The following TTC39B variants were observed in gnomAD, a reference collection of about 807,000 sequenced individuals.
TTC39B encodes the protein tetratricopeptide repeat domain 39B.
A neutral mutation model predicts 96.6 loss-of-function variants in TTC39B; 92 were observed. That is an observed-to-expected ratio of 0.95 (90% CI 0.80 to 1.13). The LOEUF (loss-of-function observed/expected upper bound fraction) is 1.13, where lower values mean the gene tolerates loss of function less well. Ranked by LOEUF, TTC39B falls within the 50% of genes most tolerant of loss-of-function variation. The pLI, the probability that TTC39B is intolerant of heterozygous loss-of-function variation, is 0.00. For synonymous variants in TTC39B, 367 were observed against 299.4 expected, an observed-to-expected ratio of 1.23 and a Z score of -2.33; for missense variants, 955 against 809.3, an observed-to-expected ratio of 1.18 and a Z score of -2.18.
chr9:15,171,823 T>A (rs904806433), exon 20 of TTC39B: 4 of 358,354 alleles, frequency 1.1e-5, no homozygotes, highest in Non-Finnish European at 1.5e-5. Flanking sequence ...ATTTTCTAGA[T>A]AATATAGAAT....
chr9:15,222,724 CA>C (rs775392988), intron 3 of TTC39B, among the ~76,000 whole-genome samples: 1 of 152,182 alleles, frequency 6.6e-6, no homozygotes, highest in Non-Finnish European at 1.5e-5. Context: ...AAGTGAACTA[CA>C]AAGAAGTCTA....
At chr9:15,278,505 T>C (rs1823634753) in intron 1 of TTC39B, among the ~76,000 whole-genome samples, 1 of 152,238 alleles carries the variant, frequency 6.6e-6, no homozygotes, top group African/African-American at 2.4e-5. Context: ...CAAGCATATC[T>C]ATCCTCTAGT....
At chr9:15,184,819 A>G (rs559664278) in intron 16 of TTC39B, among the ~76,000 whole-genome samples, 1 of 152,368 alleles carries the variant, frequency 6.6e-6, no homozygotes, top group East Asian at 1.9e-4. Context: ...TATTAATTAC[A>G]TGTTGAAATG....
chr9:15,288,588 A>G (rs1356750210), intron 1 of TTC39B, among the ~76,000 whole-genome samples: 6 of 152,284 alleles, frequency 3.9e-5, no homozygotes, highest in South Asian at 2.1e-4. Flanking sequence ...CCACCATTCA[A>G]TAAAGCCCCC....
At chr9:15,290,356 T>C (rs1824138990) in intron 1 of TTC39B, among the ~76,000 whole-genome samples, 1 of 152,214 alleles carries the variant, frequency 6.6e-6, no homozygotes, top group African/African-American at 2.4e-5. Flanking sequence ...TCCTCCCTTC[T>C]GTTCCTAAAC....
At chr9:15,233,920 T>C (rs1481541065) in intron 2 of TTC39B, among the ~76,000 whole-genome samples, 2 of 151,518 alleles carry the variant, frequency 1.3e-5, no homozygotes, top group Non-Finnish European at 2.9e-5. Flanking sequence ...GGAGCGCCTC[T>C]TCCCCGCCGC....
chr9:15,183,053 T>C (rs1461050454), intron 16 of TTC39B, among the ~76,000 whole-genome samples: 2 of 152,188 alleles, frequency 1.3e-5, no homozygotes, highest in Non-Finnish European at 2.9e-5. Flanking sequence ...TGCTTGAAAA[T>C]ATTTTTCTAA....
chr9:15,286,660 G>T (rs1823985067), intron 1 of TTC39B, among the ~76,000 whole-genome samples: 2 of 152,206 alleles, frequency 1.3e-5, no homozygotes, highest in Admixed American at 1.3e-4. Context: ...AGCACCTAGG[G>T]TGGTACTGCC....
intron 1 of TTC39B, among the ~76,000 whole-genome samples, chr9:15,285,264 G>A (rs1246719276): frequency 7.0e-6 from 1 of 142,720 alleles, no homozygotes; most frequent in Non-Finnish European, 1.6e-5. Flanking sequence ...GCAAGACTCC[G>A]TCTCAAAAAG....
chr9:15,269,824 C>T (rs187936120), intron 1 of TTC39B, among the ~76,000 whole-genome samples: 14 of 150,520 alleles, frequency 9.3e-5, no homozygotes, highest in African/African-American at 2.9e-4. Flanking sequence ...CATTGCACTC[C>T]ATCCTGTGTG....
In TTC39B at chr9:15,190,543, C is replaced by A. The variant is rs771084513; in HGVS notation, c.1105+11G>T. ...TCAATGTTCAATGAAACAATCTAATCCAGATCTTACCAAGTATTAGGGAGA... is the reference window on the plus strand; with the variant it reads ...TCAATGTTCAATGAAACAATCTAATACAGATCTTACCAAGTATTAGGGAGA... On this transcript the variant is annotated intron_variant, in intron 11 of 19. Transcript: ENST00000512701. 4 of 1,604,766 alleles carry A rather than the reference C, an allele frequency of 2.5e-6. No individual in the cohort carries two copies. In the South Asian group the frequency reaches 4.4e-5, roughly 18 times the overall value.
At chr9:15,265,447 A>C (rs1487895086) in intron 2 of TTC39B, among the ~76,000 whole-genome samples, 2 of 152,210 alleles carry the variant, frequency 1.3e-5, no homozygotes, top group African/African-American at 4.8e-5. Context: ...TCCAATCACC[A>C]GCCCCAAGGC....
In TTC39B at chr9:15,179,480, C is replaced by G. The variant is rs558226570; in HGVS notation, c.1724-1666G>C. On this transcript the variant is annotated intron_variant, in intron 17 of 19. Transcript: ENST00000512701. Reference sequence around the variant, plus strand: ...AAACTGAATATTCACCTCTAACTTTCAAGCTCTGATAGGTCATTCACCCAG... The same window carrying G: ...AAACTGAATATTCACCTCTAACTTTGAAGCTCTGATAGGTCATTCACCCAG... Among the ~76,000 whole-genome samples the G allele has an allele frequency of 3.3e-5, 5 of 152,298 alleles. No homozygotes were observed. In the South Asian group the frequency reaches 1.0e-3, roughly 32 times the overall value.
At chr9:15,285,625 C>A (rs1428173286) in intron 1 of TTC39B, among the ~76,000 whole-genome samples, 1 of 152,136 alleles carries the variant, frequency 6.6e-6, no homozygotes, top group Non-Finnish European at 1.5e-5. Flanking sequence ...GAGGCCGAGG[C>A]GGGCGGATCA....
intron 2 of TTC39B, among the ~76,000 whole-genome samples, chr9:15,230,796 C>T (rs1274317288): frequency 6.6e-6 from 1 of 152,042 alleles, no homozygotes; most frequent in East Asian, 1.9e-4. Context: ...ACCAGCCTGG[C>T]CAACATGGCA....
chr9:15,183,464 CAAAAAAA>C, intron 16 of TTC39B: 1 of 258,864 alleles, frequency 3.9e-6, no homozygotes, highest in Non-Finnish European at 7.5e-6. Flanking sequence ...TTCCTAGGTA[CAAAAAAA>C]AAAAAAAAAA....
At position 15,218,635 on chromosome 9, in the gene TTC39B, A is replaced by AAAATATATATAT. The variant is rs374054306; in HGVS notation, c.372-4387_372-4386insATATATATATTT. Among the ~76,000 whole-genome samples the AAAATATATATAT allele has an allele frequency of 7.1e-3, 1,066 of 149,502 alleles. 17 individuals are homozygous for AAAATATATATAT. The highest frequency in any genetic ancestry group is 8.9e-3 in the Non-Finnish European group (602 of 67,488). On this transcript the variant is annotated intron_variant, in intron 3 of 19. Coordinates refer to ENST00000512701, the Ensembl canonical transcript of TTC39B. ...AGGATGAATTTTTTAGTCTATTTTA[A>AAAATATATATAT]ATATATATATATAATGAACACATAA...
chr9:15,233,566 C>T (rs1053123527), intron 2 of TTC39B, among the ~76,000 whole-genome samples: 3 of 151,384 alleles, frequency 2.0e-5, no homozygotes, highest in Non-Finnish European at 4.4e-5. Flanking sequence ...CTGTGTTGGC[C>T]GGGCTGGTCT....
exon 15 of TTC39B, chr9:15,187,009 T>A: frequency 6.2e-7 from 1 of 1,613,316 alleles, no homozygotes; most frequent in Non-Finnish European, 8.5e-7. Flanking sequence ...TACTCAAAAT[T>A]GCTGCTTTCA....
Sources: gnomAD v4.1 joint callset for allele counts (sites outside exome capture counted in the v4.1 genomes callset) on GRCh38, gnomAD v4.1.1 for gene constraint, MANE v1.5 for transcripts, NCBI Gene and HGNC (gene_info 2026-07-23, HGNC 2026-07-21) for gene names.